The following RAB2B variants were observed in gnomAD, a reference collection of about 807,000 sequenced individuals.
RAB2B encodes the protein ras-related protein Rab-2B.
Under a neutral mutation model 29.8 loss-of-function variants are expected in RAB2B, and 20 were observed. That is an observed-to-expected ratio of 0.67 (90% CI 0.47 to 0.97). The LOEUF (loss-of-function observed/expected upper bound fraction) is 0.97, where lower values mean the gene tolerates loss of function less well. Ranked by LOEUF, RAB2B falls within the 50% of genes least tolerant of loss-of-function variation. The pLI, the probability that RAB2B is intolerant of heterozygous loss-of-function variation, is 0.00. For synonymous variants in RAB2B, 93 were observed against 91.7 expected (o/e 1.01, Z -0.08); for missense variants, 218 against 272.0 (o/e 0.80, Z 1.40).
chr14:21,460,449 G>A lies in RAB2B; in HGVS notation c.*747C>T. 1 of 355,592 alleles carries A rather than the reference G, an allele frequency of 2.8e-6. No homozygotes were observed. The highest frequency in any genetic ancestry group is 5.6e-6 in the Non-Finnish European group (1 of 179,356). The allele number at this position is 355,592 out of a possible 1,614,324, so 22.0% of individuals were successfully genotyped here. On this transcript the variant is annotated 3_prime_UTR_variant, in exon 8 of 8. Transcript: ENST00000397762. ...AAAATACAAAAATGAGCCAGGTGTG[G>A]TGGCACATGCCTGTAGTCCCAGCTA...
rs764506884 is a variant in RAB2B, at chr14:21,476,689, A to C, written c.47-90T>G. 5.6e-6 allele frequency: 9 copies of C among 1,608,692 alleles called. No individual in the cohort carries two copies. In the East Asian group the frequency reaches 1.8e-4, roughly 32 times the overall value. On this transcript the variant is annotated intron_variant, in intron 1 of 7. Coordinates refer to ENST00000397762, the MANE Select transcript of RAB2B (RefSeq NM_032846.4). ...CCGGACCAGAGAAGGGGGGCTCCCG[A>C]GCCCCGCCCCCGGCCGCCCCGAACC...
chr14:21,469,964 T>C (rs1890769781), intron 3 of RAB2B, among the ~76,000 whole-genome samples: 1 of 151,324 alleles, frequency 6.6e-6, no homozygotes, highest in African/African-American at 2.4e-5. Flanking sequence ...TTTTCTTTTT[T>C]TTTTTGAGAG....
In RAB2B at chr14:21,476,565, T is replaced by C; in HGVS notation, c.81A>G (p.Thr27=). The change falls in exon 2 of 8, where the codon ACA becomes ACG. Residue 27 remains threonine (T), a synonymous_variant. Transcript: ENST00000397762. The part of the protein sequence containing the change: ...VGKSCLLLQF[T]DKRFQPVHDL... ...CGTGGACAGGCTGGAACCGCTTATC[T>C]GTAAACTGCAGGAGGAGACATGACT... is the stretch of plus-strand genomic sequence containing the variant. 1 of 1,613,754 alleles carries C rather than the reference T, an allele frequency of 6.2e-7. No homozygotes were observed. The highest frequency in any genetic ancestry group is 8.5e-7 in the Non-Finnish European group (1 of 1,180,014).
At chr14:21,464,616 T>C (rs536915977) in intron 5 of RAB2B, among the ~76,000 whole-genome samples, 1 of 151,574 alleles carries the variant, frequency 6.6e-6, no homozygotes, top group Admixed American at 6.6e-5. Context: ...TCAGAGACAG[T>C]GATATGGATA....
chr14:21,469,952 T>C (rs949863295), intron 3 of RAB2B, among the ~76,000 whole-genome samples: 6 of 143,286 alleles, frequency 4.2e-5, no homozygotes, highest in African/African-American at 1.8e-4. Context: ...TTCCCTTTTT[T>C]TTTTTCTTTT....
chr14:21,468,807 G>A, intron 3 of RAB2B, 55 bp from the exon 4 acceptor site: 2 of 1,221,622 alleles, frequency 1.6e-6, no homozygotes, highest in African/African-American at 1.5e-5. Context: ...TATTTCCACA[G>A]AACCGACTTG....
intron 2 of RAB2B, among the ~76,000 whole-genome samples, chr14:21,475,866 A>AG (rs1431649253): frequency 6.6e-6 from 1 of 152,184 alleles, no homozygotes; most frequent in Non-Finnish European, 1.5e-5. Flanking sequence ...ATGGGGATGT[A>AG]GGGGTTTATT....
chr14:21,475,356 A>G (rs1024132016), intron 2 of RAB2B, among the ~76,000 whole-genome samples: 6 of 151,920 alleles, frequency 3.9e-5, no homozygotes, highest in African/African-American at 1.5e-4. Context: ...ACTTAAAACA[A>G]TATTTATTTT....
chr14:21,476,627 C>G, intron 1 of RAB2B, 28 bp from the exon 2 acceptor site: 1 of 1,613,724 alleles, frequency 6.2e-7, no homozygotes, highest in Non-Finnish European at 8.5e-7. Context: ...CTCCCGGAAT[C>G]ACGCAGCCCT....
chr14:21,476,307 C>A (rs1289088843), intron 2 of RAB2B: 4 of 552,192 alleles, frequency 7.2e-6, no homozygotes, highest in African/African-American at 5.6e-5. Context: ...CGAGTCTATA[C>A]CTCACACTCT....
intron 5 of RAB2B, among the ~76,000 whole-genome samples, chr14:21,467,398 A>G (rs1262361737): frequency 6.6e-6 from 1 of 152,170 alleles, no homozygotes; most frequent in East Asian, 1.9e-4. Flanking sequence ...GACTCAAGCA[A>G]TCCTTCCAGA....
chr14:21,463,749 C>T lies in RAB2B; in HGVS notation c.381G>A (p.Arg127=). ...IGNKSDLESR[R]DVKREEGEAF... ...CCTCTCCTTCTTCTCTCTTCACATC[C>T]CTGCGGGACTCTAGGTCACTGCAAG... is the stretch of plus-strand genomic sequence containing the variant. The change falls in exon 6 of 8, where the codon AGG becomes AGA. Residue 127 remains arginine (R), a synonymous_variant. Transcript: ENST00000397762. The T allele has an allele frequency of 1.2e-6, 2 of 1,611,776 alleles. No individual in the cohort carries two copies. The highest frequency in any genetic ancestry group is 1.1e-5 in the South Asian group (1 of 91,010).
At chr14:21,471,134 T>C (rs748784224) in intron 3 of RAB2B, among the ~76,000 whole-genome samples, 72 of 151,410 alleles carry the variant, frequency 4.8e-4, no homozygotes, top group Admixed American at 7.2e-4. Context: ...GATGGCGCTA[T>C]TGCACTCCAG....
intron 3 of RAB2B, among the ~76,000 whole-genome samples, chr14:21,470,657 T>C (rs1890786936): frequency 6.6e-6 from 1 of 152,152 alleles, no homozygotes; most frequent in South Asian, 2.1e-4. Flanking sequence ...TCTTACGTTA[T>C]TTGGGTCTTG....
chr14:21,466,911 AT>A (rs113373209), intron 5 of RAB2B, among the ~76,000 whole-genome samples: 30,442 of 147,894 alleles, frequency 0.21, 4,025 homozygotes, highest in African/African-American at 0.38. Flanking sequence ...GAATGAAATA[AT>A]TTTTTTTTTT....
chr14:21,463,058 C>G (rs529483222), intron 6 of RAB2B, among the ~76,000 whole-genome samples: 1 of 152,048 alleles, frequency 6.6e-6, no homozygotes, highest in South Asian at 2.1e-4. Flanking sequence ...CTAGGAATGA[C>G]TACAGTAGAA....
intron 3 of RAB2B, among the ~76,000 whole-genome samples, chr14:21,470,119 A>C (rs2139601787): frequency 6.6e-6 from 1 of 151,496 alleles, no homozygotes. Context: ...TGCCTGGCTA[A>C]TTTTTTTGTA....
At chr14:21,465,377 G>C (rs1407779342) in intron 5 of RAB2B, among the ~76,000 whole-genome samples, 1 of 152,202 alleles carries the variant, frequency 6.6e-6, no homozygotes, top group Non-Finnish European at 1.5e-5. Flanking sequence ...GCAGGCTTCT[G>C]TATCTCAGTA....
intron 3 of RAB2B, among the ~76,000 whole-genome samples, chr14:21,470,797 G>A (rs2139602505): frequency 6.6e-6 from 1 of 152,088 alleles, no homozygotes; most frequent in East Asian, 1.9e-4. Flanking sequence ...CAATCACATG[G>A]CAGCATTTAT....
Sources: allele counts gnomAD v4.1 joint callset (sites outside exome capture counted in the v4.1 genomes callset), GRCh38; gene constraint gnomAD v4.1.1; transcripts MANE v1.5; gene names NCBI Gene and HGNC (gene_info 2026-07-23, HGNC 2026-07-21).